GSG1L: variants seen among roughly 807,000 people sequenced by gnomAD.
The protein encoded by GSG1L is GSG1 like.
Under a neutral mutation model 42.1 loss-of-function variants are expected in GSG1L, and 24 were observed. The ratio of observed to expected loss-of-function variants is 0.57; its 90% CI spans 0.41 to 0.80. The LOEUF (loss-of-function observed/expected upper bound fraction) is 0.80, where lower values mean the gene tolerates loss of function less well. GSG1L is among the 30% of genes least tolerant of loss of function. The pLI is 0.00. For synonymous variants in GSG1L, 215 were observed against 203.5 expected (o/e 1.06, Z -0.48); for missense variants, 445 against 472.2 (o/e 0.94, Z 0.53).
At chr16:27,803,871 G>T (rs984263842) in intron 6 of GSG1L, among the ~76,000 whole-genome samples, 3 of 150,296 alleles carry the variant, frequency 2.0e-5, no homozygotes, top group African/African-American at 2.4e-5. Context: ...GGATAGATAG[G>T]ATCTGTAGAT....
chr16:27,964,095 GC>G (rs2085101704), intron 1 of GSG1L, among the ~76,000 whole-genome samples: 1 of 152,114 alleles, frequency 6.6e-6, no homozygotes, highest in African/African-American at 2.4e-5. Flanking sequence ...ACTTTGGGAG[GC>G]CGAGGCGGGC....
At chr16:27,912,361 C>A (rs551951189) in intron 2 of GSG1L, among the ~76,000 whole-genome samples, 1 of 152,238 alleles carries the variant, frequency 6.6e-6, no homozygotes, top group African/African-American at 2.4e-5. Context: ...TAAAAACATT[C>A]TTTTAATTAG....
At chr16:27,826,613 T>C (rs75594725) in intron 5 of GSG1L, among the ~76,000 whole-genome samples, 18,031 of 152,160 alleles carry the variant, frequency 0.12, 1,427 homozygotes, top group African/African-American at 0.22. Context: ...TGATAAAGGC[T>C]GATCCCTGCT....
intron 6 of GSG1L, among the ~76,000 whole-genome samples, chr16:27,794,353 C>T (rs1368558985): frequency 2.0e-5 from 3 of 147,376 alleles, no homozygotes; most frequent in African/African-American, 2.5e-5. Flanking sequence ...TTTTTTGAAA[C>T]GGAGTCTCGC....
intron 4 of GSG1L, among the ~76,000 whole-genome samples, chr16:27,836,334 T>C (rs2083320330): frequency 6.6e-6 from 1 of 152,012 alleles, no homozygotes; most frequent in Admixed American, 6.6e-5. Context: ...TGTCTTGGTA[T>C]GGATTTCTTT....
At chr16:28,021,514 G>A (rs1267297472) in intron 1 of GSG1L, among the ~76,000 whole-genome samples, 1 of 152,140 alleles carries the variant, frequency 6.6e-6, no homozygotes, top group Non-Finnish European at 1.5e-5. Flanking sequence ...TTTTACCTAC[G>A]TTAATGCATT....
Position 27,823,280 on chromosome 16 carries a change from CAT to C in GSG1L, c.830+5507_830+5508del, listed in dbSNP as rs1434328003. ...GCCCTCCAATCCAGCAAACCCAACA[CAT>C]GTGCATACTGGTCCTTCCACATGAC... On this transcript the variant is annotated intron_variant, in intron 5 of 6. Transcript: ENST00000447459. Among the ~76,000 whole-genome samples, 3 of 152,136 alleles carry C rather than the reference CAT, an allele frequency of 2.0e-5. No individual in the cohort carries two copies. The East Asian group carries it at 5.8e-4, about 29-fold the overall frequency.
At chr16:27,893,034 C>T (rs2084147263) in intron 2 of GSG1L, among the ~76,000 whole-genome samples, 1 of 152,070 alleles carries the variant, frequency 6.6e-6, no homozygotes. Context: ...AGAGCCTCGC[C>T]TTAGTGATGC....
intron 1 of GSG1L, among the ~76,000 whole-genome samples, chr16:28,019,517 T>C (rs930827762): frequency 6.6e-6 from 1 of 152,238 alleles, no homozygotes; most frequent in Non-Finnish European, 1.5e-5. Flanking sequence ...TACTCATTCT[T>C]TGACACCTAT....
chr16:27,944,297 C>T (rs1161440383), intron 2 of GSG1L, among the ~76,000 whole-genome samples: 1 of 152,022 alleles, frequency 6.6e-6, no homozygotes, highest in Non-Finnish European at 1.5e-5. Context: ...ATGTAGTCTA[C>T]CCATACAATG....
At position 27,831,168 on chromosome 16, in the gene GSG1L, G is replaced by T. The variant is rs184843365; in HGVS notation, c.663-2212C>A. On this transcript the variant is annotated intron_variant, in intron 4 of 6. Transcript: ENST00000447459. ...CATCTTTCTTCTGTGGTGCTAAGCT[G>T]GTGGGATTTGAGCCAGGAGTTGCTG... Among the ~76,000 whole-genome samples the T allele has an allele frequency of 2.6e-4, 40 of 152,306 alleles. No homozygotes were observed. In the East Asian group the frequency reaches 5.2e-3, roughly 20 times the overall value.
intron 3 of GSG1L, among the ~76,000 whole-genome samples, chr16:27,869,807 C>A (rs1276815157): frequency 1.4e-5 from 2 of 146,050 alleles, no homozygotes; most frequent in Non-Finnish European, 3.0e-5. Flanking sequence ...GTCTCTGTCT[C>A]CCTCCATCTC....
chr16:27,821,337 G>C (rs1202521727), intron 5 of GSG1L, among the ~76,000 whole-genome samples: 1 of 151,776 alleles, frequency 6.6e-6, no homozygotes, highest in Non-Finnish European at 1.5e-5. Context: ...TCATTACATG[G>C]GTGCATTGCA....
At chr16:27,993,831 G>C (rs1463302588) in intron 1 of GSG1L, among the ~76,000 whole-genome samples, 1 of 152,182 alleles carries the variant, frequency 6.6e-6, no homozygotes, top group African/African-American at 2.4e-5. Flanking sequence ...GGAAAATTCT[G>C]TCCCCTGACA....
intron 2 of GSG1L, among the ~76,000 whole-genome samples, chr16:27,952,329 G>A (rs1047835581): frequency 2.0e-5 from 3 of 152,244 alleles, no homozygotes; most frequent in African/African-American, 4.8e-5. Context: ...ACAACACAGC[G>A]GGATCAGTGC....
intron 3 of GSG1L, among the ~76,000 whole-genome samples, chr16:27,881,754 A>G (rs2083958437): frequency 6.6e-6 from 1 of 151,822 alleles, no homozygotes; most frequent in East Asian, 1.9e-4. Flanking sequence ...AATTCTGTGC[A>G]CTCCAAGCTA....
At chr16:28,011,012 G>A (rs1009572748) in intron 1 of GSG1L, among the ~76,000 whole-genome samples, 4 of 152,150 alleles carry the variant, frequency 2.6e-5, no homozygotes, top group Non-Finnish European at 5.9e-5. Context: ...GGGCTCTGCC[G>A]GGCAGGCTGC....
chr16:28,023,273 C>G (rs555902782), intron 1 of GSG1L, among the ~76,000 whole-genome samples: 1 of 152,242 alleles, frequency 6.6e-6, no homozygotes, highest in African/African-American at 2.4e-5. Flanking sequence ...AAGTCTAATC[C>G]ATTTGTCTCC....
intron 3 of GSG1L, among the ~76,000 whole-genome samples, chr16:27,873,780 G>C (rs960505223): frequency 7.2e-5 from 11 of 152,212 alleles, no homozygotes; most frequent in African/African-American, 2.7e-4. Flanking sequence ...CTTAGCTTTA[G>C]AAGACTGAGT....
Sources: gnomAD v4.1 joint callset for allele counts (sites outside exome capture counted in the v4.1 genomes callset) on GRCh38, gnomAD v4.1.1 for gene constraint, MANE v1.5 for transcripts, NCBI Gene and HGNC (gene_info 2026-07-23, HGNC 2026-07-21) for gene names.